GRIA1: variants seen among roughly 807,000 people sequenced by gnomAD.
GRIA1 encodes the protein glutamate receptor 1.
GRIA1 carries 31 observed loss-of-function variants against 99.2 expected under a neutral mutation model. That is an observed-to-expected ratio of 0.31 (90% confidence interval 0.23 to 0.42). The LOEUF (loss-of-function observed/expected upper bound fraction) is 0.42. Among genes scored for constraint, GRIA1 ranks in the 10% least tolerant of loss-of-function variants. The pLI is 1.00. For synonymous variants in GRIA1, 438 were observed against 432.4 expected (o/e 1.01, Z -0.16); for missense variants, 782 against 1,157.5 (o/e 0.68, Z 4.71).
intron 2 of GRIA1, among the ~76,000 whole-genome samples, chr5:153,548,293 C>T (rs527359580): frequency 9.2e-5 from 14 of 152,260 alleles, no homozygotes; most frequent in Non-Finnish European, 1.5e-4. Context: ...TCGTGAGCTC[C>T]GCATGGTCCT....
chr5:153,566,321 C>T (rs867763907), intron 2 of GRIA1, among the ~76,000 whole-genome samples: 12 of 1,516 alleles, frequency 7.9e-3, no homozygotes, highest in South Asian at 0.062. Flanking sequence ...TTTTTTTTTT[C>T]CAGAGACAGA....
At chr5:153,555,980 C>T (rs779652445) in intron 2 of GRIA1, among the ~76,000 whole-genome samples, 1 of 152,218 alleles carries the variant, frequency 6.6e-6, no homozygotes, top group African/African-American at 2.4e-5. Context: ...CACTGCCATT[C>T]ATTAAAAGAT....
chr5:153,690,563 T>A (rs186595886), intron 8 of GRIA1, among the ~76,000 whole-genome samples: 10 of 152,324 alleles, frequency 6.6e-5, no homozygotes, highest in Non-Finnish European at 1.2e-4. Context: ...TAGCGGACAT[T>A]CAGCCCACAT....
intron 11 of GRIA1, 80 bp from the exon 12 acceptor site, chr5:153,764,354 C>T (rs921150121): frequency 1.2e-5 from 13 of 1,063,998 alleles, no homozygotes; most frequent in South Asian, 7.6e-5. Flanking sequence ...TGCCAAGCCC[C>T]GGACCCGTGC....
intron 2 of GRIA1, among the ~76,000 whole-genome samples, chr5:153,495,058 T>C (rs932426468): frequency 5.3e-5 from 8 of 152,214 alleles, no homozygotes; most frequent in African/African-American, 1.7e-4. Flanking sequence ...ATGATTTGAA[T>C]AGGCTATGCT....
At chr5:153,667,434 G>A (rs993410166) in intron 5 of GRIA1, among the ~76,000 whole-genome samples, 1 of 152,168 alleles carries the variant, frequency 6.6e-6, no homozygotes, top group Non-Finnish European at 1.5e-5. Flanking sequence ...CCTGCTTCAT[G>A]TTCTCTCAGG....
chr5:153,808,770 A>G (rs1028923753), intron 15 of GRIA1, among the ~76,000 whole-genome samples: 1 of 152,224 alleles, frequency 6.6e-6, no homozygotes, highest in African/African-American at 2.4e-5. Context: ...ACTTTCATAA[A>G]TGTATTCAAA....
At chr5:153,614,826 G>T (rs1766325853) in intron 2 of GRIA1, among the ~76,000 whole-genome samples, 1 of 152,184 alleles carries the variant, frequency 6.6e-6, no homozygotes, top group African/African-American at 2.4e-5. Context: ...CTATGAGAGG[G>T]ACGCTGTGAT....
intron 2 of GRIA1, among the ~76,000 whole-genome samples, chr5:153,605,182 G>A (rs1289967327): frequency 1.4e-5 from 2 of 146,096 alleles, no homozygotes; most frequent in African/African-American, 2.6e-5. Flanking sequence ...GTGAGACTCT[G>A]TCTCAAAAAA....
At chr5:153,645,121 C>T (rs554068674) in intron 2 of GRIA1, among the ~76,000 whole-genome samples, 8 of 152,180 alleles carry the variant, frequency 5.3e-5, no homozygotes, top group African/African-American at 1.9e-4. Context: ...CACTGAAAAC[C>T]AAATGTCCTA....
chr5:153,502,797 A>G (rs1755133092), intron 2 of GRIA1, among the ~76,000 whole-genome samples: 1 of 152,222 alleles, frequency 6.6e-6, no homozygotes, highest in Non-Finnish European at 1.5e-5. Context: ...TGGAACCTCT[A>G]GGATGAAAGT....
intron 2 of GRIA1, among the ~76,000 whole-genome samples, chr5:153,591,149 T>A (rs1324482003): frequency 6.6e-6 from 1 of 152,202 alleles, no homozygotes; most frequent in Admixed American, 6.5e-5. Context: ...AGCTAGATCA[T>A]CCTTGTCTAT....
chr5:153,777,918 C>T (rs971893853), intron 13 of GRIA1, among the ~76,000 whole-genome samples: 1 of 152,208 alleles, frequency 6.6e-6, no homozygotes, highest in Non-Finnish European at 1.5e-5. Flanking sequence ...TCAATTAGTC[C>T]TTGCCTCCTG....
chr5:153,627,805 C>T (rs1038406151), intron 2 of GRIA1, among the ~76,000 whole-genome samples: 10 of 152,172 alleles, frequency 6.6e-5, no homozygotes, highest in South Asian at 2.1e-4. Flanking sequence ...AGAAAAAGTA[C>T]GCCAGAAAAG....
At chr5:153,651,154 C>CA (rs1337440041) in intron 4 of GRIA1, among the ~76,000 whole-genome samples, 1 of 152,070 alleles carries the variant, frequency 6.6e-6, no homozygotes, top group Non-Finnish European at 1.5e-5. Context: ...ATTAGGAACA[C>CA]AGCTTATAGG....
chr5:153,490,755 G>GAAGC lies in GRIA1; in HGVS notation c.-122_-119dup, dbSNP rs1330119781. ...AACAGACAAACCTCACGAAAGGAAG[G>GAAGC]AAGCAAGCAAGCAAGGAAGGAACTG... On this transcript the variant is annotated 5_prime_UTR_variant, in exon 1 of 16. Transcript: ENST00000285900. 3 of 757,618 alleles carry GAAGC rather than the reference G, an allele frequency of 4.0e-6. No individual in the cohort carries two copies. The highest frequency in any genetic ancestry group is 2.5e-5 in the East Asian group (1 of 40,804). 46.9% of individuals were successfully genotyped at this position (757,618 alleles called of 1,614,324 possible). A position where few individuals can be genotyped will look rare whatever the true frequency, so the allele number is the denominator to read the frequency against.
At chr5:153,706,689 T>C (rs2149522014) in intron 11 of GRIA1, among the ~76,000 whole-genome samples, 1 of 152,320 alleles carries the variant, frequency 6.6e-6, no homozygotes, top group South Asian at 2.1e-4. Context: ...CTAGTAGATG[T>C]TGGCGTCTTC....
At chr5:153,803,866 G>A (rs1766223112) in intron 15 of GRIA1, among the ~76,000 whole-genome samples, 1 of 151,870 alleles carries the variant, frequency 6.6e-6, no homozygotes, top group South Asian at 2.1e-4. Context: ...ACACCTCCGG[G>A]GTCGCCCTTG....
intron 2 of GRIA1, among the ~76,000 whole-genome samples, chr5:153,509,296 C>T (rs1034494025): frequency 4.6e-5 from 7 of 152,120 alleles, no homozygotes; most frequent in African/African-American, 1.7e-4. Flanking sequence ...AGAAAGTATG[C>T]ACAGGATTTA....
Sources: gnomAD v4.1 joint callset for allele counts (sites outside exome capture counted in the v4.1 genomes callset) on GRCh38, gnomAD v4.1.1 for gene constraint, MANE v1.5 for transcripts, NCBI Gene and HGNC (gene_info 2026-07-23, HGNC 2026-07-21) for gene names.